Variants in ERBB4 observed in about 807,000 individuals in gnomAD.
ERBB4 encodes the protein receptor tyrosine-protein kinase erbB-4.
A neutral mutation model predicts 158.0 loss-of-function variants in ERBB4; 42 were observed. The observed-to-expected ratio is 0.27, with a 90% CI of 0.21 to 0.34. The LOEUF (loss-of-function observed/expected upper bound fraction) is 0.34. Ranked by LOEUF, ERBB4 falls within the 10% of genes least tolerant of loss-of-function variation. The pLI is 1.00. For missense variants in ERBB4, 1,333 were observed against 1,624.1 expected, an observed-to-expected ratio of 0.82 and a Z score of 3.08; for synonymous variants, 583 against 558.7, an observed-to-expected ratio of 1.04 and a Z score of -0.61.
intron 1 of ERBB4, among the ~76,000 whole-genome samples, chr2:212,371,680 C>G (rs1055231329): frequency 1.3e-5 from 2 of 152,156 alleles, no homozygotes; most frequent in African/African-American, 2.4e-5. Flanking sequence ...TACATCATCT[C>G]TTTTGTTCCT....
intron 1 of ERBB4, among the ~76,000 whole-genome samples, chr2:212,132,291 G>C (rs1038867037): frequency 6.6e-6 from 1 of 152,162 alleles, no homozygotes; most frequent in Non-Finnish European, 1.5e-5. Flanking sequence ...AGATGCATAT[G>C]GGTGCTATGC....
chr2:212,279,245 C>T (rs115530587), intron 1 of ERBB4, among the ~76,000 whole-genome samples: 3,651 of 151,186 alleles, frequency 0.024, 59 homozygotes, highest in Non-Finnish European at 0.037. Context: ...TTAAAAGGTG[C>T]ATAAAATATC....
chr2:212,235,046 T>C (rs1270670891), intron 1 of ERBB4, among the ~76,000 whole-genome samples: 1 of 152,204 alleles, frequency 6.6e-6, no homozygotes, highest in African/African-American at 2.4e-5. Flanking sequence ...ATAAAGTCTT[T>C]ACCCATGCCT....
At chr2:212,251,907 A>G (rs755763112) in intron 1 of ERBB4, among the ~76,000 whole-genome samples, 1 of 151,992 alleles carries the variant, frequency 6.6e-6, no homozygotes, top group Non-Finnish European at 1.5e-5. Flanking sequence ...TAGCTTTTAT[A>G]CTGACAATGG....
chr2:212,256,768 T>C (rs1479678309), intron 1 of ERBB4, among the ~76,000 whole-genome samples: 1 of 152,142 alleles, frequency 6.6e-6, no homozygotes, highest in East Asian at 1.9e-4. Context: ...TACACATTTT[T>C]CTCAACTGGG....
chr2:211,663,034 G>A (rs887930884), intron 15 of ERBB4, among the ~76,000 whole-genome samples: 5 of 152,222 alleles, frequency 3.3e-5, no homozygotes, highest in African/African-American at 1.2e-4. Context: ...CTGCCCCTGT[G>A]GTTTTCCCAG....
intron 20 of ERBB4, among the ~76,000 whole-genome samples, chr2:211,526,122 G>T (rs922420838): frequency 6.6e-6 from 1 of 152,052 alleles, no homozygotes; most frequent in Admixed American, 6.5e-5. Flanking sequence ...CAAGGTAATA[G>T]TTTCAGTGGG....
intron 1 of ERBB4, among the ~76,000 whole-genome samples, chr2:212,410,425 T>G (rs1479217899): frequency 6.6e-6 from 1 of 152,064 alleles, no homozygotes; most frequent in Non-Finnish European, 1.5e-5. Flanking sequence ...AACATATGTA[T>G]GTATAAATAT....
chr2:211,662,166 G>A (rs1465991424), intron 15 of ERBB4, among the ~76,000 whole-genome samples: 3 of 139,618 alleles, frequency 2.1e-5, no homozygotes, highest in Non-Finnish European at 4.6e-5. Flanking sequence ...TTAAAAAGAT[G>A]TTCCATAAAA....
chr2:212,531,416 G>T (rs1383039179), intron 1 of ERBB4, among the ~76,000 whole-genome samples: 1 of 152,284 alleles, frequency 6.6e-6, no homozygotes, highest in Non-Finnish European at 1.5e-5. Flanking sequence ...AGTACTTAAA[G>T]CTTTGCTTAT....
At chr2:211,947,693 G>A (rs1443644872) in intron 2 of ERBB4, 77 bp from the exon 3 acceptor site, 1 of 1,236,920 alleles carries the variant, frequency 8.1e-7, no homozygotes, top group Non-Finnish European at 1.2e-6. Context: ...AGATTAAAAT[G>A]AGTTATTAAA....
At chr2:212,176,181 A>G (rs997820688) in intron 1 of ERBB4, among the ~76,000 whole-genome samples, 3 of 151,938 alleles carry the variant, frequency 2.0e-5, no homozygotes, top group Non-Finnish European at 2.9e-5. Flanking sequence ...CTTGCATTCT[A>G]TGCTTTGGTT....
chr2:212,025,567 A>G (rs1314154975), intron 2 of ERBB4, among the ~76,000 whole-genome samples: 4 of 151,776 alleles, frequency 2.6e-5, no homozygotes, highest in African/African-American at 9.7e-5. Context: ...AGCCTGTAAG[A>G]TTGCTTCCTT....
At chr2:212,281,667 A>G (rs1271123967) in intron 1 of ERBB4, among the ~76,000 whole-genome samples, 6 of 151,846 alleles carry the variant, frequency 4.0e-5, no homozygotes, top group Admixed American at 3.9e-4. Flanking sequence ...AAATTTCTGC[A>G]TTGAAAGCCT....
chr2:211,991,820 G>T (rs1292668864), intron 2 of ERBB4, among the ~76,000 whole-genome samples: 1 of 152,108 alleles, frequency 6.6e-6, no homozygotes, highest in Non-Finnish European at 1.5e-5. Flanking sequence ...CTGGCGTCTG[G>T]ATTTCTCCCC....
intron 3 of ERBB4, among the ~76,000 whole-genome samples, chr2:211,887,824 A>G (rs2078845183): frequency 6.6e-6 from 1 of 152,178 alleles, no homozygotes; most frequent in African/African-American, 2.4e-5. Flanking sequence ...CCAAGAGGGT[A>G]TGGATTTGAA....
chr2:212,198,695 C>G (rs574796728), intron 1 of ERBB4, among the ~76,000 whole-genome samples: 7 of 151,866 alleles, frequency 4.6e-5, no homozygotes, highest in African/African-American at 1.7e-4. Context: ...CTGGCTCAGC[C>G]CCAGTAGCTA....
chr2:211,631,720 T>C (rs1031763988), intron 16 of ERBB4, among the ~76,000 whole-genome samples: 1 of 152,218 alleles, frequency 6.6e-6, no homozygotes, highest in East Asian at 1.9e-4. Context: ...TTGTATACCA[T>C]AGGAAATAAT....
At chr2:211,390,848 C>G (rs776929606) in intron 25 of ERBB4, among the ~76,000 whole-genome samples, 4 of 152,152 alleles carry the variant, frequency 2.6e-5, no homozygotes, top group Non-Finnish European at 5.9e-5. Context: ...GGAAAAAATG[C>G]TAAGCAAAAC....
Sources: gnomAD v4.1 joint callset for allele counts (sites outside exome capture counted in the v4.1 genomes callset) on GRCh38, gnomAD v4.1.1 for gene constraint, MANE v1.5 for transcripts, NCBI Gene and HGNC (gene_info 2026-07-23, HGNC 2026-07-21) for gene names.